GPC5: variants seen among roughly 807,000 people sequenced by gnomAD.
GPC5 encodes the protein glypican-5.
A neutral mutation model predicts 53.9 loss-of-function variants in GPC5; 47 were observed. The ratio of observed to expected loss-of-function variants is 0.87; its 90% CI spans 0.69 to 1.11. The LOEUF (loss-of-function observed/expected upper bound fraction) is 1.11. Among genes scored for constraint, GPC5 ranks in the 50% most tolerant of loss-of-function variants. GPC5 has a pLI of 0.00. For missense variants in GPC5, 748 were observed against 713.1 expected, an observed-to-expected ratio of 1.05 and a Z score of -0.56; for synonymous variants, 286 against 263.3, an observed-to-expected ratio of 1.09 and a Z score of -0.84.
chr13:92,254,221 T>C lies in GPC5; in HGVS notation c.1561+109232T>C, dbSNP rs565179476. Among the ~76,000 whole-genome samples, 8 of 152,240 alleles carry C rather than the reference T, an allele frequency of 5.3e-5. No individual in the cohort carries two copies. The East Asian group carries it at 7.7e-4, about 15-fold the overall frequency. ...TGAACCAACTGGAAGCCAAAGAGCA[T>C]GGGAACAAATTGAGGTTTTCTCAGA... On this transcript the variant is annotated intron_variant, in intron 7 of 7. Transcript: ENST00000377067.
intron 7 of GPC5, among the ~76,000 whole-genome samples, chr13:92,856,443 G>A (rs1401225002): frequency 3.3e-5 from 5 of 151,892 alleles, no homozygotes; most frequent in South Asian, 2.1e-4. Flanking sequence ...AAGACAAAAC[G>A]TCTACTCTCT....
intron 2 of GPC5, among the ~76,000 whole-genome samples, chr13:91,460,976 T>C (rs1180450126): frequency 6.6e-6 from 1 of 152,182 alleles, no homozygotes; most frequent in Non-Finnish European, 1.5e-5. Flanking sequence ...GCTTTTATCA[T>C]AAAATATATG....
At chr13:91,458,816 C>A (rs1404843839) in intron 2 of GPC5, among the ~76,000 whole-genome samples, 1 of 151,984 alleles carries the variant, frequency 6.6e-6, no homozygotes, top group Non-Finnish European at 1.5e-5. Flanking sequence ...GTCCATCAAT[C>A]AATGAGAGGG....
intron 7 of GPC5, among the ~76,000 whole-genome samples, chr13:92,743,357 G>A (rs1490826872): frequency 6.6e-6 from 1 of 151,482 alleles, no homozygotes; most frequent in Non-Finnish European, 1.5e-5. Flanking sequence ...ATTGTGAATG[G>A]GAGTTCACTC....
intron 7 of GPC5, among the ~76,000 whole-genome samples, chr13:92,663,833 CTATATATATAT>C (rs759682712): frequency 0.13 from 15,377 of 121,160 alleles, 1,299 homozygotes; most frequent in Non-Finnish European, 0.17. Flanking sequence ...TATACACACA[CTATATATATAT>C]ACACACACAC....
intron 6 of GPC5, among the ~76,000 whole-genome samples, chr13:91,934,805 C>G (rs889754871): frequency 1.3e-5 from 2 of 152,064 alleles, no homozygotes; most frequent in Middle Eastern, 3.4e-3. Context: ...CTTCAAGTTT[C>G]AAGGGTCACC....
chr13:91,724,251 T>G (rs2036532481), intron 3 of GPC5, among the ~76,000 whole-genome samples: 1 of 152,160 alleles, frequency 6.6e-6, no homozygotes, highest in South Asian at 2.1e-4. Flanking sequence ...TATTTATGTA[T>G]CATTATTATT....
At chr13:92,454,441 A>G (rs186351495) in intron 7 of GPC5, among the ~76,000 whole-genome samples, 3 of 152,334 alleles carry the variant, frequency 2.0e-5, no homozygotes. Context: ...GAATATAACC[A>G]AGATTCAACG....
chr13:92,136,542 C>T (rs1027992118), intron 6 of GPC5, among the ~76,000 whole-genome samples: 2 of 152,106 alleles, frequency 1.3e-5, no homozygotes, highest in Non-Finnish European at 2.9e-5. Context: ...ACCATGTTTA[C>T]ATTTGAATGG....
intron 4 of GPC5, among the ~76,000 whole-genome samples, chr13:91,753,073 G>A (rs2037213944): frequency 1.3e-5 from 2 of 152,124 alleles, no homozygotes; most frequent in Non-Finnish European, 2.9e-5. Context: ...ATTTATTGGG[G>A]CTACTGTGTG....
chr13:92,697,681 CTTTA>C (rs976654125), intron 7 of GPC5, among the ~76,000 whole-genome samples: 3 of 152,106 alleles, frequency 2.0e-5, no homozygotes, highest in Non-Finnish European at 2.9e-5. Context: ...TTTGAATACC[CTTTA>C]TTTATTTCTC....
chr13:92,403,807 T>C lies in GPC5; in HGVS notation c.1561+258818T>C, dbSNP rs189839810. On this transcript the variant is annotated intron_variant, in intron 7 of 7. Transcript: ENST00000377067. ...ATGCTAATAGAGATTTTGTAAACATTCTCCTTATTGCTGATTTTACATTAT... is the reference window on the plus strand; with the variant it reads ...ATGCTAATAGAGATTTTGTAAACATCCTCCTTATTGCTGATTTTACATTAT... Among the ~76,000 whole-genome samples, 17 of 152,282 alleles carry C rather than the reference T, an allele frequency of 1.1e-4. No homozygotes were observed. In the East Asian group the frequency reaches 3.1e-3, roughly 28 times the overall value.
At chr13:92,531,243 AAATATT>A (rs2138987491) in intron 7 of GPC5, among the ~76,000 whole-genome samples, 1 of 152,244 alleles carries the variant, frequency 6.6e-6, no homozygotes, top group East Asian at 1.9e-4. Flanking sequence ...CCATGTAATA[AAATATT>A]AATATTAGGT....
At chr13:92,225,162 T>C (rs1336458699) in intron 7 of GPC5, among the ~76,000 whole-genome samples, 1 of 152,236 alleles carries the variant, frequency 6.6e-6, no homozygotes, top group Non-Finnish European at 1.5e-5. Context: ...GATTTCCTTA[T>C]TGTTCCTGGC....
intron 7 of GPC5, among the ~76,000 whole-genome samples, chr13:92,432,715 CT>C (rs1277072214): frequency 6.6e-6 from 1 of 151,780 alleles, no homozygotes. Flanking sequence ...CTAGTGTTTA[CT>C]TTTTTTAAGT....
At chr13:91,979,562 G>A (rs1402695067) in intron 6 of GPC5, among the ~76,000 whole-genome samples, 1 of 152,156 alleles carries the variant, frequency 6.6e-6, no homozygotes, top group Admixed American at 6.5e-5. Flanking sequence ...CAGGTACTAT[G>A]GGTGTAATGT....
chr13:92,570,658 T>C (rs1178049682), intron 7 of GPC5, among the ~76,000 whole-genome samples: 1 of 152,074 alleles, frequency 6.6e-6, no homozygotes. Context: ...ATGTAAAAAA[T>C]GGTGAGATCA....
intron 7 of GPC5, among the ~76,000 whole-genome samples, chr13:92,303,690 G>A (rs1171992703): frequency 6.6e-6 from 1 of 152,214 alleles, no homozygotes; most frequent in Non-Finnish European, 1.5e-5. Context: ...CAGCGAGGAT[G>A]TGAAGCCTTA....
chr13:92,004,832 A>G (rs1173585966), intron 6 of GPC5, among the ~76,000 whole-genome samples: 1 of 152,110 alleles, frequency 6.6e-6, no homozygotes, highest in East Asian at 1.9e-4. Context: ...AGACTTATTC[A>G]CTAACATGAG....
Sources: allele counts gnomAD v4.1 joint callset (sites outside exome capture counted in the v4.1 genomes callset), GRCh38; gene constraint gnomAD v4.1.1; transcripts MANE v1.5; gene names NCBI Gene and HGNC (gene_info 2026-07-23, HGNC 2026-07-21).